ANXA10: variants seen among roughly 807,000 people sequenced by gnomAD.
ANXA10 encodes the protein annexin 14.
Under a neutral mutation model 53.5 loss-of-function variants are expected in ANXA10, and 49 were observed. The observed-to-expected ratio is 0.92, with a 90% CI of 0.73 to 1.16. ANXA10 has a LOEUF of 1.16. Ranked by LOEUF, ANXA10 falls within the 50% of genes most tolerant of loss-of-function variation. ANXA10 has a pLI of 0.00. For missense variants in ANXA10, 393 were observed against 394.4 expected, an observed-to-expected ratio of 1.00 and a Z score of 0.03; for synonymous variants, 131 against 128.9, an observed-to-expected ratio of 1.02 and a Z score of -0.11.
intron 1 of ANXA10, among the ~76,000 whole-genome samples, chr4:168,108,853 C>T (rs1207188631): frequency 2.0e-5 from 3 of 152,152 alleles, no homozygotes; most frequent in Non-Finnish European, 4.4e-5. Flanking sequence ...CTGACATCAC[C>T]ACCCTTCACC....
rs541314411 is a variant in ANXA10 at position 168,098,243 on chromosome 4, G to A, written c.18+5525G>A. On this transcript the variant is annotated intron_variant, in intron 1 of 11. Transcript: ENST00000359299. Reference sequence around the variant, plus strand: ...ATCACAAATGGCAAGCACTAAGAACGTACTTCTTTCCTTAACCCTTAAGGT... The same window carrying A: ...ATCACAAATGGCAAGCACTAAGAACATACTTCTTTCCTTAACCCTTAAGGT... 5.9e-5 allele frequency among the ~76,000 whole-genome samples: 9 copies of A among 151,956 alleles called. No individual in the cohort carries two copies. The East Asian group carries it at 1.5e-3, about 26-fold the overall frequency.
chr4:168,166,681 T>TGTGTGTGTG lies in ANXA10; in HGVS notation c.480+1355_480+1356insGTGTGTGTG, dbSNP rs1731887580. Among the ~76,000 whole-genome samples, 7 of 128,660 alleles carry TGTGTGTGTG rather than the reference T, an allele frequency of 5.4e-5. No homozygotes were observed. The South Asian group carries it at 7.4e-4, about 14-fold the overall frequency. The allele number at this position is 128,660 out of a possible 152,430, so 84.4% of individuals were successfully genotyped here. The stretch of plus-strand genomic sequence containing the variant: ...GTGTGTGTGTGTGTGTGTGTGTGTG[T>TGTGTGTGTG]TTGAAATGAAGCAAGAGTTTCTAAA... On this transcript the variant is annotated intron_variant, in intron 6 of 11. Transcript: ENST00000359299.
intron 3 of ANXA10, among the ~76,000 whole-genome samples, chr4:168,148,022 A>G (rs1021191653): frequency 1.3e-5 from 2 of 152,130 alleles, no homozygotes; most frequent in African/African-American, 4.8e-5. Flanking sequence ...TGGCCTACAC[A>G]AAGTCCTCCA....
chr4:168,127,114 G>A (rs1291730212), intron 1 of ANXA10, among the ~76,000 whole-genome samples: 1 of 152,076 alleles, frequency 6.6e-6, no homozygotes, highest in Non-Finnish European at 1.5e-5. Flanking sequence ...CAACAAACAG[G>A]GAGAGCTGCC....
Position 168,134,943 on chromosome 4 carries a change from A to T in ANXA10, c.101-4543A>T, listed in dbSNP as rs79843634. Among the ~76,000 whole-genome samples, 929 of 152,316 alleles carry T rather than the reference A, an allele frequency of 6.1e-3. 13 individuals carry two copies. Among genetic ancestry groups the T allele is most frequent in the African/African-American group, 0.022 (899 of 41,560 alleles). ...TCCTGTGATCCTAAGCCCATCCAGGAGGGACTTAATTTCAAAAAAGATGAT... is the reference window on the plus strand; with the variant it reads ...TCCTGTGATCCTAAGCCCATCCAGGTGGGACTTAATTTCAAAAAAGATGAT... On this transcript the variant is annotated intron_variant, in intron 2 of 11. Coordinates refer to ENST00000359299, the MANE Select transcript of ANXA10 (RefSeq NM_007193.5).
intron 1 of ANXA10, among the ~76,000 whole-genome samples, chr4:168,104,225 T>C (rs2149464900): frequency 6.6e-6 from 1 of 152,092 alleles, no homozygotes; most frequent in Non-Finnish European, 1.5e-5. Context: ...GTTGTGCCAG[T>C]CCTGCATTAT....
chr4:168,153,432 AAAAAAAAAACAAAAACAAAAACAAAAC>A (rs1731533875), intron 3 of ANXA10, among the ~76,000 whole-genome samples: 5 of 60,114 alleles, frequency 8.3e-5, no homozygotes, highest in South Asian at 4.1e-4. Context: ...CAAAAAAAAA[AAAAAAAAAACAAAAACAAAAACAAAAC>A]AAAAAAAAAA....
intron 1 of ANXA10, among the ~76,000 whole-genome samples, chr4:168,100,485 A>G (rs757849756): frequency 6.6e-6 from 1 of 152,050 alleles, no homozygotes; most frequent in African/African-American, 2.4e-5. Flanking sequence ...CCTCTCATAC[A>G]GGTTCCTTCA....
chr4:168,099,823 G>A (rs1730612457), intron 1 of ANXA10, among the ~76,000 whole-genome samples: 2 of 151,976 alleles, frequency 1.3e-5, no homozygotes, highest in African/African-American at 2.4e-5. Flanking sequence ...TTTATAAAAT[G>A]TTATTTTAGT....
At chr4:168,106,774 G>T (rs1242947580) in intron 1 of ANXA10, among the ~76,000 whole-genome samples, 1 of 152,110 alleles carries the variant, frequency 6.6e-6, no homozygotes, top group East Asian at 1.9e-4. Flanking sequence ...TTTTTACAAT[G>T]TCCAGAGAAA....
intron 9 of ANXA10, among the ~76,000 whole-genome samples, chr4:168,180,934 T>C (rs914281040): frequency 5.3e-5 from 8 of 152,142 alleles, no homozygotes; most frequent in African/African-American, 1.9e-4. Flanking sequence ...TCTAGACCAG[T>C]TGTGGTCCAT....
intron 2 of ANXA10, among the ~76,000 whole-genome samples, chr4:168,130,042 A>G (rs189079948): frequency 6.6e-6 from 1 of 152,306 alleles, no homozygotes; most frequent in Non-Finnish European, 1.5e-5. Flanking sequence ...AGTGCTATTC[A>G]GAGTGGACAA....
chr4:168,139,886 AGGCTT>A (rs1462304775), intron 3 of ANXA10, among the ~76,000 whole-genome samples: 1 of 152,176 alleles, frequency 6.6e-6, no homozygotes, highest in Non-Finnish European at 1.5e-5. Flanking sequence ...GGGTCCAATT[AGGCTT>A]AAAGTGTTGT....
At chr4:168,142,106 A>G (rs112225097) in intron 3 of ANXA10, among the ~76,000 whole-genome samples, 146 of 152,168 alleles carry the variant, frequency 9.6e-4, no homozygotes, top group Middle Eastern at 3.4e-3. Context: ...CACCCGCTAC[A>G]GCATTAGGGA....
chr4:168,182,697 C>A (rs1732278398), intron 10 of ANXA10, among the ~76,000 whole-genome samples: 1 of 149,744 alleles, frequency 6.7e-6, no homozygotes, highest in South Asian at 2.1e-4. Context: ...ACTCCTTATC[C>A]ATATCTACAT....
At chr4:168,099,924 C>G (rs1560956886) in intron 1 of ANXA10, among the ~76,000 whole-genome samples, 1 of 152,094 alleles carries the variant, frequency 6.6e-6, no homozygotes, top group Admixed American at 6.6e-5. Context: ...AACAGAGAAA[C>G]AAGTGAGTTA....
chr4:168,135,609 T>G (rs1731224700), intron 2 of ANXA10, among the ~76,000 whole-genome samples: 1 of 152,156 alleles, frequency 6.6e-6, no homozygotes, highest in South Asian at 2.1e-4. Context: ...AACCAATCTA[T>G]TAGCTTGGTG....
rs1307359687 is a variant in ANXA10 at position 168,184,583 on chromosome 4, G to A, written c.808G>A (p.Val270Ile). 6.2e-7 allele frequency: 1 copy of A among 1,613,842 alleles called. No homozygotes were observed. The highest frequency in any genetic ancestry group is 1.3e-5 in the African/African-American group (1 of 74,904). The change falls in exon 11 of 12, where the codon GTA becomes ATA. Residue 270 changes from valine to isoleucine, a missense_variant. Physicochemically the swap from Val to Ile is conservative, Grantham distance 29. Coordinates refer to ENST00000359299, the MANE Select transcript of ANXA10 (RefSeq NM_007193.5). ...IHDFGFHNKTVIRILIARSEI... is the reference protein window; with the variant it reads ...IHDFGFHNKTIIRILIARSEI... ...GGACTTTGGTTTCCATAATAAAACT[G>A]TAATCAGGATTCTCATTGCCAGAAG...
chr4:168,181,931 G>T (rs1732256517), intron 10 of ANXA10, among the ~76,000 whole-genome samples, 190 bp downstream of exon 10: 1 of 152,154 alleles, frequency 6.6e-6, no homozygotes, highest in Non-Finnish European at 1.5e-5. Context: ...ATAATGTTCT[G>T]CTTTCTGTAT....
Sources: allele counts gnomAD v4.1 joint callset (sites outside exome capture counted in the v4.1 genomes callset), GRCh38; gene constraint gnomAD v4.1.1; transcripts MANE v1.5; gene names NCBI Gene and HGNC (gene_info 2026-07-23, HGNC 2026-07-21).